The following ZCCHC4 variants were observed in gnomAD, a reference collection of about 807,000 sequenced individuals.
ZCCHC4 encodes rRNA N(6)-adenosine-methyltransferase ZCCHC4.
A neutral mutation model predicts 67.7 loss-of-function variants in ZCCHC4; 54 were observed. The observed-to-expected ratio is 0.80, with a 90% CI of 0.64 to 1.00. The LOEUF is 1.00. ZCCHC4 is among the 50% of genes least tolerant of loss of function. ZCCHC4 has a pLI of 0.00. For missense variants in ZCCHC4, 609 were observed against 617.0 expected (o/e 0.99, Z 0.14); for synonymous variants, 198 against 213.5 (o/e 0.93, Z 0.63).
intron 3 of ZCCHC4, among the ~76,000 whole-genome samples, chr4:25,322,608 C>T (rs1024557058): frequency 6.6e-6 from 1 of 152,044 alleles, no homozygotes; most frequent in Non-Finnish European, 1.5e-5. Flanking sequence ...ACCTTTGCCT[C>T]CCAGGTTCAA....
Position 25,369,262 on chromosome 4 carries a change from G to A in ZCCHC4, c.*98G>A. 6.5e-7 allele frequency: 1 copy of A among 1,532,766 alleles called. No homozygotes were observed. Among genetic ancestry groups the A allele is most frequent in the Non-Finnish European group, 8.8e-7 (1 of 1,131,588 alleles). 94.9% of individuals were successfully genotyped at this position (1,532,766 alleles called of 1,614,324 possible). A position where few individuals can be genotyped will look rare whatever the true frequency, so the allele number is the denominator to read the frequency against. On this transcript the variant is annotated 3_prime_UTR_variant, in exon 13 of 13. Transcript: ENST00000302874. ...GGACTTAAATTCAGCTGCTTCCAGA[G>A]GTGTGCACCTTTCTGAGCTAGATAA...
intron 3 of ZCCHC4, among the ~76,000 whole-genome samples, chr4:25,325,416 T>C (rs1718830439): frequency 6.6e-6 from 1 of 150,874 alleles, no homozygotes; most frequent in Admixed American, 6.6e-5. Context: ...TACAGGCGTG[T>C]GCCACCACAC....
intron 12 of ZCCHC4, chr4:25,366,340 G>T (rs1720948180): frequency 1.0e-5 from 8 of 762,894 alleles, no homozygotes; most frequent in East Asian, 1.5e-4. Context: ...TTTAAAGACA[G>T]AGTCTTGCTC....
In ZCCHC4 at chr4:25,349,396, A is replaced by G. The variant is rs148577346; in HGVS notation, c.760-96A>G. On this transcript the variant is annotated intron_variant, in intron 6 of 12. Transcript: ENST00000302874. ...AAGATGACTTGGTAAAGTTTCCAGT[A>G]TTAAGAGAGAGACTGAGTCTAATGC... is the stretch of plus-strand genomic sequence containing the variant. The G allele has an allele frequency of 3.9e-4, 480 of 1,246,234 alleles. 2 individuals carry two copies. In the African/African-American group the frequency reaches 6.6e-3, roughly 17 times the overall value. The allele number at this position is 1,246,234 out of a possible 1,614,324, so 77.2% of individuals were successfully genotyped here.
At chr4:25,355,634 C>G (rs1464200395) in intron 8 of ZCCHC4, among the ~76,000 whole-genome samples, 1 of 152,144 alleles carries the variant, frequency 6.6e-6, no homozygotes, top group Non-Finnish European at 1.5e-5. Context: ...CCTGTTAGGA[C>G]AGTATGTTTT....
At chr4:25,321,254 C>G (rs975854205) in intron 3 of ZCCHC4, among the ~76,000 whole-genome samples, 2 of 150,912 alleles carry the variant, frequency 1.3e-5, no homozygotes, top group African/African-American at 4.9e-5. Context: ...TCTTTCCTTT[C>G]TTTTCTTTCT....
chr4:25,345,462 G>A (rs908678572), intron 5 of ZCCHC4, 86 bp from the exon 6 acceptor site: 2 of 801,190 alleles, frequency 2.5e-6, no homozygotes, highest in Non-Finnish European at 4.0e-6. Context: ...TTTTTTAAAG[G>A]TGTGATTTTA....
rs774328929 is a variant in ZCCHC4 at position 25,333,981 on chromosome 4, G to C, written c.679G>C (p.Asp227His). 6.3e-7 allele frequency: 1 copy of C among 1,594,188 alleles called. No individual in the cohort carries two copies. Among genetic ancestry groups the C allele is most frequent in the South Asian group, 1.2e-5 (1 of 86,634 alleles). Residue 227 changes from aspartate to histidine, a missense_variant, in exon 5 of 13, where the codon GAT (aspartate) becomes CAT (histidine). By Grantham distance (81) the Asp-to-His change is moderately conservative. Coordinates refer to ENST00000302874, the MANE Select transcript of ZCCHC4 (RefSeq NM_024936.3). ...CATTAAAAGCCTTTTATTGGATATTGATTTTCGGTAGGTTTACAAAATACA... is the reference window on the plus strand; with the variant it reads ...CATTAAAAGCCTTTTATTGGATATTCATTTTCGGTAGGTTTACAAAATACA... ...SNIKSLLLDI[D>H]FRYSQFYMED...
Position 25,359,081 on chromosome 4 carries a change from C to T in ZCCHC4, c.1012-2778C>T, listed in dbSNP as rs116099376. Among the ~76,000 whole-genome samples, 1,589 of 152,248 alleles carry T rather than the reference C, an allele frequency of 0.01. 37 individuals are homozygous for T. Among genetic ancestry groups the T allele is most frequent in the African/African-American group, 0.035 (1,455 of 41,550 alleles). On this transcript the variant is annotated intron_variant, in intron 8 of 12. Transcript: ENST00000302874. This position sits in a 1 kb window ranked among gnomAD's most constrained non-coding sequence, Gnocchi z 4.9. The stretch of plus-strand genomic sequence containing the variant: ...GGTGATTCTGGGTCAGCCATGTGGC[C>T]ACAGCATGGGTTGTGGTGCCCATTG...
At chr4:25,328,744 G>A (rs932942788) in intron 3 of ZCCHC4, among the ~76,000 whole-genome samples, 1 of 151,048 alleles carries the variant, frequency 6.6e-6, no homozygotes, top group Admixed American at 6.6e-5. Flanking sequence ...ACCACACCTG[G>A]GTAATTTTTG....
intron 5 of ZCCHC4, among the ~76,000 whole-genome samples, chr4:25,336,289 C>T (rs1363935483): frequency 6.6e-6 from 1 of 152,204 alleles, no homozygotes; most frequent in Non-Finnish European, 1.5e-5. Context: ...TTTCAAGGCT[C>T]ACCCATGCAT....
Position 25,324,081 on chromosome 4 carries a change from A to T in ZCCHC4, c.329+8681A>T, listed in dbSNP as rs147334510. On this transcript the variant is annotated intron_variant, in intron 3 of 12. Transcript: ENST00000302874. ...GGCTGGAGTGCAATGGTGCAATCTC[A>T]GTTCACTGCAATCTCCACCTCCCAG... Among the ~76,000 whole-genome samples the T allele has an allele frequency of 2.7e-4, 38 of 138,594 alleles. No individual in the cohort carries two copies. The East Asian group carries it at 7.7e-3, about 28-fold the overall frequency. 90.9% of individuals were successfully genotyped at this position (138,594 alleles called of 152,430 possible).
At chr4:25,338,997 G>A (rs114811470) in intron 5 of ZCCHC4, among the ~76,000 whole-genome samples, 1,598 of 152,250 alleles carry the variant, frequency 0.01, 37 homozygotes, top group African/African-American at 0.035. Context: ...CTGGAGGCTG[G>A]AAGTCCAAGA....
At position 25,312,930 on chromosome 4, in the gene ZCCHC4, C is replaced by G; in HGVS notation, c.121C>G (p.Pro41Ala). Residue 41 changes from proline (P) to alanine (A), a missense_variant, in exon 1 of 13, where the codon CCT (proline) becomes GCT (alanine). Pro to Ala is a conservative substitution (Grantham distance 27). Coordinates refer to ENST00000302874, the MANE Select transcript of ZCCHC4 (RefSeq NM_024936.3). ...TCCTGCCGTCCCCGCCCCGCTGTGC[C>G]CTCACGGTGGGTCAGAGTCTGGGCT... The part of the protein sequence containing the change: ...LDPAVPAPLC[P>A]HGPTLLFVKV... The G allele has an allele frequency of 6.2e-7, 1 of 1,612,326 alleles. No individual in the cohort carries two copies. Among genetic ancestry groups the G allele is most frequent in the Non-Finnish European group, 8.5e-7 (1 of 1,179,872 alleles).
intron 6 of ZCCHC4, 48 bp downstream of exon 6, chr4:25,345,668 A>G (rs757337179): frequency 1.6e-6 from 2 of 1,244,372 alleles, no homozygotes; most frequent in Non-Finnish European, 2.3e-6. Context: ...GTGGAATAAC[A>G]GATTTCAGAG....
intron 3 of ZCCHC4, among the ~76,000 whole-genome samples, chr4:25,326,271 A>G (rs1401898963): frequency 6.6e-6 from 1 of 152,168 alleles, no homozygotes. Context: ...TCACCACATA[A>G]TCTTCTCCCT....
At chr4:25,365,846 T>C in intron 12 of ZCCHC4, 1 of 985,382 alleles carries the variant, frequency 1.0e-6, no homozygotes, top group South Asian at 4.7e-5. Flanking sequence ...AACATTGCTA[T>C]TTTAACCGAG....
At position 25,323,669 on chromosome 4, in the gene ZCCHC4, G is replaced by A. The variant is rs74396562; in HGVS notation, c.329+8269G>A. ...GGGACTGTCCTGGGCAACCAGGGATGTGTGGTCACCTTAGTGATATGGGGA... is the reference window on the plus strand; with the variant it reads ...GGGACTGTCCTGGGCAACCAGGGATATGTGGTCACCTTAGTGATATGGGGA... On this transcript the variant is annotated intron_variant, in intron 3 of 12. Transcript: ENST00000302874. Among the ~76,000 whole-genome samples the A allele has an allele frequency of 6.7e-3, 1,028 of 152,304 alleles. 9 individuals are homozygous for A. Among genetic ancestry groups the A allele is most frequent in the African/African-American group, 0.023 (965 of 41,554 alleles).
chr4:25,342,594 T>A (rs149287465), intron 5 of ZCCHC4, among the ~76,000 whole-genome samples: 2 of 152,320 alleles, frequency 1.3e-5, no homozygotes, highest in East Asian at 3.9e-4. Flanking sequence ...TTGATTACAT[T>A]TCCTGTGTGT....
Sources: allele counts gnomAD v4.1 joint callset (sites outside exome capture counted in the v4.1 genomes callset), GRCh38; gene constraint gnomAD v4.1.1; non-coding constraint Gnocchi (gnomAD v3.1); transcripts MANE v1.5; gene names NCBI Gene and HGNC (gene_info 2026-07-23, HGNC 2026-07-21).